SEPTIN2: variants seen among roughly 807,000 people sequenced by gnomAD.
SEPTIN2 encodes the protein septin-2.
SEPTIN2 carries 34 observed loss-of-function variants against 46.5 expected under a neutral mutation model. The observed-to-expected ratio is 0.73, with a 90% confidence interval of 0.56 to 0.97. SEPTIN2 has a LOEUF of 0.97. Among genes scored for constraint, SEPTIN2 ranks in the 50% least tolerant of loss-of-function variants. The pLI is 0.00. For synonymous variants in SEPTIN2, 175 were observed against 153.4 expected, an observed-to-expected ratio of 1.14 and a Z score of -1.04; for missense variants, 347 against 448.4, an observed-to-expected ratio of 0.77 and a Z score of 2.04.
chr2:241,336,829 C>T (rs7424124), intron 5 of SEPTIN2: 5,578 of 170,724 alleles, frequency 0.033, 521 homozygotes, highest in Admixed American at 0.19. Context: ...GGTGCGATGG[C>T]TCATGCCTGT....
At chr2:241,331,760 A>G (rs2079046268) in intron 3 of SEPTIN2, among the ~76,000 whole-genome samples, 1 of 152,206 alleles carries the variant, frequency 6.6e-6, no homozygotes, top group Non-Finnish European at 1.5e-5. Context: ...GAGGGCCTAG[A>G]ACAGACAAAA....
At position 241,337,409 on chromosome 2, in the gene SEPTIN2, T is replaced by C; in HGVS notation, c.369T>C (p.Asp123=). ...TTAAGACAATTATCTCCTATATTGA[T>C]GAGCAATTTGAGAGGTACCTGCATG... The part of the protein sequence containing the change: ...DCFKTIISYI[D]EQFERYLHDE... The change falls in exon 6 of 13, where the codon GAT becomes GAC. Residue 123 remains aspartate (D), a synonymous_variant. Transcript: ENST00000391971. 6.2e-7 allele frequency: 1 copy of C among 1,614,052 alleles called. No individual in the cohort carries two copies. The highest frequency in any genetic ancestry group is 8.5e-7 in the Non-Finnish European group (1 of 1,179,930).
chr2:241,336,509 G>A (rs1051734381), intron 5 of SEPTIN2: 1 of 181,512 alleles, frequency 5.5e-6, no homozygotes, highest in African/African-American at 2.4e-5. Context: ...GTAGAAGATA[G>A]AGCAGTCTGT....
intron 3 of SEPTIN2, among the ~76,000 whole-genome samples, chr2:241,333,200 A>G (rs77618844): frequency 0.16 from 24,083 of 152,218 alleles, 2,096 homozygotes; most frequent in Middle Eastern, 0.27. Context: ...CTCAACTTTT[A>G]AATTGTAGTA....
At chr2:241,327,162 A>G (rs1045876725) in intron 3 of SEPTIN2, among the ~76,000 whole-genome samples, 1 of 152,098 alleles carries the variant, frequency 6.6e-6, no homozygotes, top group Non-Finnish European at 1.5e-5. Context: ...AACTGTACAT[A>G]ATCAGGAGAA....
At chr2:241,351,444 A>G (rs989139537) in intron 12 of SEPTIN2, 1 of 152,394 alleles carries the variant, frequency 6.6e-6, no homozygotes, top group Middle Eastern at 3.4e-3. Flanking sequence ...GACACCTTAG[A>G]ATAGTCCTGA....
chr2:241,332,396 A>G (rs959166638), intron 3 of SEPTIN2, among the ~76,000 whole-genome samples: 3 of 152,206 alleles, frequency 2.0e-5, no homozygotes, highest in Non-Finnish European at 4.4e-5. Context: ...GAAGATAAAC[A>G]AATAGCCAAT....
At chr2:241,320,083 G>C (rs1322634592) in intron 1 of SEPTIN2, 3 of 352,040 alleles carry the variant, frequency 8.5e-6, no homozygotes, top group Non-Finnish European at 1.7e-5. Flanking sequence ...TTATATTTGT[G>C]AGTGAGATTG....
At chr2:241,344,925 A>G (rs897831056) in intron 9 of SEPTIN2, among the ~76,000 whole-genome samples, 5 of 150,574 alleles carry the variant, frequency 3.3e-5, no homozygotes, top group Admixed American at 6.6e-5. Context: ...CAGCCTGGCC[A>G]ACATGGTGAA....
chr2:241,334,497 T>G (rs114327280), intron 3 of SEPTIN2, among the ~76,000 whole-genome samples: 1 of 152,206 alleles, frequency 6.6e-6, no homozygotes, highest in Admixed American at 6.5e-5. Context: ...CCTGAATTAG[T>G]CGTGTGAACT....
At chr2:241,327,288 G>A (rs1043455589) in intron 3 of SEPTIN2, among the ~76,000 whole-genome samples, 1 of 151,270 alleles carries the variant, frequency 6.6e-6, no homozygotes, top group Admixed American at 6.6e-5. Context: ...AGATACAACA[G>A]AAAACCAAGT....
chr2:241,337,627 G>C (rs1233145312), intron 6 of SEPTIN2, 46 bp from the exon 7 acceptor site: 4 of 1,584,788 alleles, frequency 2.5e-6, no homozygotes, highest in South Asian at 1.1e-5. Flanking sequence ...GAAGAGTTTT[G>C]TATGTATTTT....
chr2:241,346,165 G>T lies in SEPTIN2; in HGVS notation c.843-1G>T. On this transcript the variant is annotated splice_acceptor_variant, in intron 9 of 12. Transcript: ENST00000391971. LOFTEE classifies it high-confidence loss of function. Reference sequence around the variant, plus strand: ...CTTGGTGCATTCCTCTTCTCTTTCAGCACCCACATGCAGGATCTCCAGGAG... The same window carrying T: ...CTTGGTGCATTCCTCTTCTCTTTCATCACCCACATGCAGGATCTCCAGGAG... The T allele has an allele frequency of 6.2e-7, 1 of 1,612,612 alleles. No homozygotes were observed. Among genetic ancestry groups the T allele is most frequent in the Non-Finnish European group, 8.5e-7 (1 of 1,179,074 alleles).
chr2:241,342,942 A>C, intron 7 of SEPTIN2, 50 bp from the exon 8 acceptor site: 1 of 945,148 alleles, frequency 1.1e-6, no homozygotes, highest in Non-Finnish European at 1.7e-6. Context: ...ATTGGCTACA[A>C]TAACATACGC....
chr2:241,322,495 T>A (rs1423849877), intron 1 of SEPTIN2, among the ~76,000 whole-genome samples: 2 of 151,298 alleles, frequency 1.3e-5, no homozygotes, highest in East Asian at 3.9e-4. Context: ...TAGTCCCAGC[T>A]ACTCGGGAGG....
chr2:241,319,953 A>T (rs1337418770), intron 1 of SEPTIN2, among the ~76,000 whole-genome samples: 1 of 152,232 alleles, frequency 6.6e-6, no homozygotes, highest in Non-Finnish European at 1.5e-5. Context: ...CCTCATCAGC[A>T]TCTATTAATG....
intron 3 of SEPTIN2, among the ~76,000 whole-genome samples, chr2:241,333,691 G>A (rs1266798940): frequency 6.6e-6 from 1 of 151,744 alleles, no homozygotes; most frequent in Non-Finnish European, 1.5e-5. Flanking sequence ...TTTTAGTAGA[G>A]ACGGGGTTTC....
Position 241,337,519 on chromosome 2 carries a change from A to G in SEPTIN2, c.476+3A>G, listed in dbSNP as rs373433813. The G allele has an allele frequency of 1.9e-6, 3 of 1,613,294 alleles. No individual in the cohort carries two copies. Among genetic ancestry groups the G allele is most frequent in the African/African-American group, 1.3e-5 (1 of 74,908 alleles). ...TTTATTTCACCTTTTGGACATGGGT[A>G]AGTAATTGTTTATCGTGGAGAAATG... On this transcript the variant is annotated splice_donor_region_variant and intron_variant, in intron 6 of 12. Transcript: ENST00000391971.
intron 2 of SEPTIN2, 112 bp from the exon 3 acceptor site, chr2:241,325,881 T>TAA: frequency 9.8e-7 from 1 of 1,018,394 alleles, no homozygotes; most frequent in South Asian, 1.9e-5. Context: ...TTATACTTTT[T>TAA]AAAAAATTTG....
Sources: gnomAD v4.1 joint callset for allele counts (sites outside exome capture counted in the v4.1 genomes callset) on GRCh38, gnomAD v4.1.1 for gene constraint, MANE v1.5 for transcripts, NCBI Gene and HGNC (gene_info 2026-07-23, HGNC 2026-07-21) for gene names.